The following CLSTN2 variants were observed in gnomAD, a reference collection of about 807,000 sequenced individuals.
The protein encoded by CLSTN2 is calsyntenin-2.
CLSTN2 carries 48 observed loss-of-function variants against 101.2 expected under a neutral mutation model. That is an observed-to-expected ratio of 0.47 (90% CI 0.38 to 0.60). CLSTN2 has a LOEUF of 0.60. CLSTN2 is among the 20% of genes least tolerant of loss of function. CLSTN2 has a pLI of 0.00. For synonymous variants in CLSTN2, 481 were observed against 463.6 expected (o/e 1.04, Z -0.48); for missense variants, 1,160 against 1,238.2 (o/e 0.94, Z 0.95).
chr3:140,225,566 C>A (rs180922703), intron 2 of CLSTN2, among the ~76,000 whole-genome samples: 2 of 152,120 alleles, frequency 1.3e-5, no homozygotes, highest in African/African-American at 2.4e-5. Context: ...GGCGCGATAT[C>A]GGCTCACTGC....
chr3:140,557,265 G>A (rs1024151004), intron 11 of CLSTN2, among the ~76,000 whole-genome samples: 1 of 152,138 alleles, frequency 6.6e-6, no homozygotes, highest in Non-Finnish European at 1.5e-5. Flanking sequence ...TAGAAGTGCA[G>A]TCATGCTGCA....
intron 1 of CLSTN2, among the ~76,000 whole-genome samples, chr3:140,030,956 T>G (rs979604712): frequency 1.3e-5 from 2 of 152,216 alleles, no homozygotes; most frequent in African/African-American, 4.8e-5. Flanking sequence ...GCACATTTCC[T>G]TCCCTTGTTT....
chr3:140,473,253 TCTC>T (rs1374453512), intron 8 of CLSTN2, among the ~76,000 whole-genome samples: 1 of 152,182 alleles, frequency 6.6e-6, no homozygotes, highest in Non-Finnish European at 1.5e-5. Context: ...CTGCATGGCT[TCTC>T]CTCATTACTC....
chr3:139,952,226 A>G (rs529299976), intron 1 of CLSTN2, among the ~76,000 whole-genome samples: 2 of 152,358 alleles, frequency 1.3e-5, no homozygotes, highest in Admixed American at 6.5e-5. Flanking sequence ...TGAAATGAGA[A>G]GACCTGGTTG....
Position 140,287,824 on chromosome 3 carries a change from G to C in CLSTN2, c.232+111751G>C, listed in dbSNP as rs1382170505. On this transcript the variant is annotated intron_variant, in intron 2 of 16. Coordinates refer to ENST00000458420, the MANE Select transcript of CLSTN2 (RefSeq NM_022131.3). The stretch of plus-strand genomic sequence containing the variant: ...CCAGCATTCTAAGATAGGTCTATCC[G>C]ATCCCCAAATCATTGAGCCATTTAT... 9.9e-5 allele frequency among the ~76,000 whole-genome samples: 15 copies of C among 152,098 alleles called. No individual in the cohort carries two copies. In the East Asian group the frequency reaches 2.9e-3, roughly 29 times the overall value.
intron 6 of CLSTN2, chr3:140,452,764 C>T (rs1933282420): frequency 6.6e-6 from 1 of 152,190 alleles, no homozygotes; most frequent in East Asian, 1.9e-4. Flanking sequence ...GAGACACTGC[C>T]ATTCTGCTTT....
intron 2 of CLSTN2, among the ~76,000 whole-genome samples, chr3:140,240,164 CTCTCTCTCTCTA>C (rs1559816113): frequency 3.3e-4 from 6 of 18,008 alleles, no homozygotes; most frequent in African/African-American, 4.0e-4. Context: ...CTCTCTCTCT[CTCTCTCTCTCTA>C]TATATATATA....
At chr3:140,305,874 T>G (rs1183976791) in intron 2 of CLSTN2, among the ~76,000 whole-genome samples, 1 of 152,056 alleles carries the variant, frequency 6.6e-6, no homozygotes, top group Non-Finnish European at 1.5e-5. Context: ...TAAAAACTGA[T>G]AGATAACTTT....
rs1463611051 is a variant in CLSTN2 at position 140,197,552 on chromosome 3, A to G, written c.232+21479A>G. ...GTAAATGTTAGAGTGCAGTTCACAT[A>G]GATGGGCATTACTCGTTCTGATCGC... On this transcript the variant is annotated intron_variant, in intron 2 of 16. Coordinates refer to ENST00000458420, the MANE Select transcript of CLSTN2 (RefSeq NM_022131.3). Among the ~76,000 whole-genome samples the G allele has an allele frequency of 2.0e-5, 3 of 152,198 alleles. No homozygotes were observed. In the East Asian group the frequency reaches 5.8e-4, roughly 29 times the overall value.
intron 2 of CLSTN2, among the ~76,000 whole-genome samples, chr3:140,383,779 G>T (rs919536225): frequency 2.0e-5 from 3 of 152,106 alleles, no homozygotes; most frequent in Non-Finnish European, 2.9e-5. Flanking sequence ...GTAGCATAAG[G>T]GTATTTACCA....
chr3:140,001,543 G>T (rs1356554902), intron 1 of CLSTN2, among the ~76,000 whole-genome samples: 2 of 151,716 alleles, frequency 1.3e-5, no homozygotes, highest in African/African-American at 4.8e-5. Context: ...TTTGATACAG[G>T]CATGCAATAT....
intron 16 of CLSTN2, among the ~76,000 whole-genome samples, chr3:140,565,237 A>T (rs1236160785): frequency 2.0e-5 from 3 of 152,190 alleles, no homozygotes; most frequent in Non-Finnish European, 4.4e-5. Flanking sequence ...ACAATCAGGG[A>T]AGATTCCTTG....
At chr3:140,475,515 A>G (rs1246956062) in intron 8 of CLSTN2, among the ~76,000 whole-genome samples, 1 of 152,154 alleles carries the variant, frequency 6.6e-6, no homozygotes, top group Admixed American at 6.5e-5. Flanking sequence ...AGCCTATTCT[A>G]AAGAAGAATC....
intron 1 of CLSTN2, among the ~76,000 whole-genome samples, chr3:139,944,988 C>G (rs1935194069): frequency 6.6e-6 from 1 of 152,190 alleles, no homozygotes; most frequent in Non-Finnish European, 1.5e-5. Context: ...GTGTTTTTCT[C>G]ATTGCTTCTG....
intron 2 of CLSTN2, among the ~76,000 whole-genome samples, chr3:140,340,927 T>G (rs956198777): frequency 6.6e-6 from 1 of 152,188 alleles, no homozygotes; most frequent in Admixed American, 6.5e-5. Context: ...CCTCATGACT[T>G]TTTCATGATT....
chr3:140,371,353 C>T (rs1041598146), intron 2 of CLSTN2, among the ~76,000 whole-genome samples: 2 of 151,040 alleles, frequency 1.3e-5, no homozygotes, highest in Non-Finnish European at 3.0e-5. Context: ...AAAACCTATT[C>T]ACTGGAACAC....
intron 1 of CLSTN2, among the ~76,000 whole-genome samples, chr3:139,944,296 C>A (rs1176597304): frequency 6.6e-6 from 1 of 152,138 alleles, no homozygotes; most frequent in African/African-American, 2.4e-5. Flanking sequence ...TTTTATCCAG[C>A]CCTGGATGCA....
chr3:140,509,048 G>A (rs1237944670), intron 8 of CLSTN2, among the ~76,000 whole-genome samples: 1 of 152,100 alleles, frequency 6.6e-6, no homozygotes, highest in African/African-American at 2.4e-5. Context: ...AGGGAGACTG[G>A]CATTTGCTGG....
intron 1 of CLSTN2, 121 bp from the exon 2 acceptor site, chr3:140,175,830 C>A: frequency 1.0e-6 from 1 of 975,710 alleles, no homozygotes; most frequent in Non-Finnish European, 1.5e-6. Context: ...TGTTCCATGT[C>A]TCTCATGGGA....
Sources: allele counts gnomAD v4.1 joint callset (sites outside exome capture counted in the v4.1 genomes callset), GRCh38; gene constraint gnomAD v4.1.1; transcripts MANE v1.5; gene names NCBI Gene and HGNC (gene_info 2026-07-23, HGNC 2026-07-21).